The following PRDM15 variants were observed in gnomAD, a reference collection of about 807,000 sequenced individuals.
PRDM15 encodes PR/SET domain 15, also known as PR domain zinc finger protein 15.
A neutral mutation model predicts 128.6 loss-of-function variants in PRDM15; 64 were observed. The ratio of observed to expected loss-of-function variants is 0.50; its 90% CI spans 0.41 to 0.61. The LOEUF (loss-of-function observed/expected upper bound fraction) is 0.61, where lower values mean the gene tolerates loss of function less well. Ranked by LOEUF, PRDM15 falls within the 20% of genes least tolerant of loss-of-function variation. PRDM15 has a pLI of 0.00. For synonymous variants in PRDM15, 615 were observed against 621.8 expected (o/e 0.99, Z 0.16); for missense variants, 1,242 against 1,569.1 (o/e 0.79, Z 3.52).
chr21:41,805,124 C>T (rs2061522199), intron 21 of PRDM15, among the ~76,000 whole-genome samples: 1 of 152,212 alleles, frequency 6.6e-6, no homozygotes, highest in South Asian at 2.1e-4. Flanking sequence ...CCAATGGCCC[C>T]ACTGAACGGG....
intron 1 of PRDM15, among the ~76,000 whole-genome samples, chr21:41,864,849 G>C (rs1303734256): frequency 6.6e-6 from 1 of 151,888 alleles, no homozygotes; most frequent in African/African-American, 2.4e-5. Flanking sequence ...ACATGACCAG[G>C]CACTGCCTTT....
chr21:41,835,893 G>T (rs2062861369), intron 10 of PRDM15, among the ~76,000 whole-genome samples: 1 of 122,692 alleles, frequency 8.2e-6, no homozygotes, highest in Non-Finnish European at 1.7e-5. Context: ...GGGACACCTG[G>T]GCACCCACAG....
At chr21:41,864,835 C>T (rs2063942832) in intron 1 of PRDM15, among the ~76,000 whole-genome samples, 1 of 152,086 alleles carries the variant, frequency 6.6e-6, no homozygotes, top group Non-Finnish European at 1.5e-5. Context: ...ACCCAAACTC[C>T]TGCACATGAC....
chr21:41,873,825 G>A (rs1449232275), intron 1 of PRDM15, among the ~76,000 whole-genome samples: 2 of 152,100 alleles, frequency 1.3e-5, no homozygotes, highest in Non-Finnish European at 2.9e-5. Flanking sequence ...TGGGAGGATT[G>A]CTGAAGCCCA....
chr21:41,849,195 C>A (rs1018138256), intron 5 of PRDM15, among the ~76,000 whole-genome samples: 1 of 152,360 alleles, frequency 6.6e-6, no homozygotes, highest in South Asian at 2.1e-4. Context: ...ACTGCAGGGC[C>A]GCACGAGAGA....
At position 41,859,717 on chromosome 21, in the gene PRDM15, C is replaced by T. The variant is rs1213048789; in HGVS notation, c.38-32G>A. 2 of 1,585,882 alleles carry T rather than the reference C, an allele frequency of 1.3e-6. No individual in the cohort carries two copies. Among genetic ancestry groups the T allele is most frequent in the African/African-American group, 1.3e-5 (1 of 74,332 alleles). On this transcript the variant is annotated intron_variant, in intron 2 of 23. Coordinates refer to ENST00000398548, the MANE Select transcript of PRDM15 (RefSeq NM_001040424.3). This position sits in a 1 kb window ranked among gnomAD's most constrained non-coding sequence, Gnocchi z 5.3. ...GCAGACATCCGGGCATTAGAGCACCCAGGGAGGGAGACACCTAAAGAACAC... is the reference window on the plus strand; with the variant it reads ...GCAGACATCCGGGCATTAGAGCACCTAGGGAGGGAGACACCTAAAGAACAC...
intron 13 of PRDM15, among the ~76,000 whole-genome samples, chr21:41,824,886 G>A (rs28738914): frequency 0.6 from 91,514 of 152,178 alleles, 27,735 homozygotes; most frequent in Admixed American, 0.67. Context: ...CTCGGTGATG[G>A]TGCTGCATGC....
intron 1 of PRDM15, among the ~76,000 whole-genome samples, chr21:41,868,796 T>G (rs1213327049): frequency 1.4e-5 from 2 of 148,024 alleles, no homozygotes; most frequent in Non-Finnish European, 3.0e-5. Flanking sequence ...GTTCAAGCAA[T>G]TCTCCTGCCT....
In PRDM15 at chr21:41,810,409, C is replaced by CTGG; in HGVS notation, c.2477-83_2477-81dup. The CTGG allele has an allele frequency of 2.0e-6, 3 of 1,478,416 alleles. No homozygotes were observed. The highest frequency in any genetic ancestry group is 2.7e-6 in the Non-Finnish European group (3 of 1,094,710). The allele number at this position is 1,478,416 out of a possible 1,614,324, so 91.6% of individuals were successfully genotyped here. A position where few individuals can be genotyped will look rare whatever the true frequency, so the allele number is the denominator to read the frequency against. ...CACTAGTGCAGCCATCCCAATGACC[C>CTGG]TGGCCTGCTGGACGAGGCAAGAAGC... On this transcript the variant is annotated intron_variant, in intron 20 of 23. Transcript: ENST00000398548. This position sits in a 1 kb window ranked among gnomAD's most constrained non-coding sequence, Gnocchi z 6.4.
In PRDM15 at chr21:41,828,626, C is replaced by T. The variant is rs915060195; in HGVS notation, c.1367-293G>A. 2.6e-5 allele frequency among the ~76,000 whole-genome samples: 4 copies of T among 151,932 alleles called. No individual in the cohort carries two copies. The highest frequency in any genetic ancestry group is 4.8e-5 in the African/African-American group (2 of 41,350). On this transcript the variant is annotated intron_variant, in intron 11 of 23. Transcript: ENST00000398548. The surrounding 1 kb of genome is among the most constrained non-coding windows in gnomAD (Gnocchi z 5.7). Reference sequence around the variant, plus strand: ...CACCCTGCCCCACAGCACCTGGGGACGATGACTCCACTTCCGTCAGGAAAG... The same window carrying T: ...CACCCTGCCCCACAGCACCTGGGGATGATGACTCCACTTCCGTCAGGAAAG...
At chr21:41,802,616 T>G in intron 23 of PRDM15, 96 bp downstream of exon 23, 1 of 981,680 alleles carries the variant, frequency 1.0e-6, no homozygotes, top group South Asian at 1.3e-5. Flanking sequence ...ATGTACACTG[T>G]GTATAGTAAA....
Position 41,815,689 on chromosome 21 carries a change from C to G in PRDM15, c.2392+16G>C. 6.2e-7 allele frequency: 1 copy of G among 1,611,680 alleles called. No individual in the cohort carries two copies. Among genetic ancestry groups the G allele is most frequent in the Non-Finnish European group, 8.5e-7 (1 of 1,179,694 alleles). On this transcript the variant is annotated intron_variant, in intron 19 of 23. Coordinates refer to ENST00000398548, the MANE Select transcript of PRDM15 (RefSeq NM_001040424.3). ...AGTGAGCGCCGTGGCTGGCGCGGCC[C>G]GGGCCTCGGACTCACCCGTGTGCCG...
intron 1 of PRDM15, among the ~76,000 whole-genome samples, chr21:41,864,667 C>T (rs2063937336): frequency 6.6e-6 from 1 of 152,054 alleles, no homozygotes; most frequent in Non-Finnish European, 1.5e-5. Flanking sequence ...CTTTCTCCCA[C>T]CTGTAAGGCT....
chr21:41,804,497 C>T (rs1352089008), intron 22 of PRDM15, 37 bp downstream of exon 22: 2 of 1,516,692 alleles, frequency 1.3e-6, no homozygotes, highest in Admixed American at 2.0e-5. Context: ...CCACTTACCC[C>T]AAAGTTTCTG....
chr21:41,867,148 CACTG>C (rs1369761280), intron 1 of PRDM15: 12 of 361,802 alleles, frequency 3.3e-5, no homozygotes, highest in Non-Finnish European at 5.6e-5. Flanking sequence ...CCAGAAACCT[CACTG>C]ACTATCTGAG....
intron 1 of PRDM15, among the ~76,000 whole-genome samples, chr21:41,864,607 A>T (rs930194499): frequency 6.6e-6 from 1 of 151,854 alleles, no homozygotes; most frequent in Non-Finnish European, 1.5e-5. Context: ...ACACCCGCCC[A>T]TCACCCACTA....
At chr21:41,836,678 A>G in intron 8 of PRDM15, 29 bp from the exon 9 acceptor site, 1 of 1,564,978 alleles carries the variant, frequency 6.4e-7, no homozygotes, top group Non-Finnish European at 8.7e-7. Flanking sequence ...AAGTTGGGAA[A>G]AGACAGGTGG....
At chr21:41,878,798 CCTCGGCGACGACGCCG>C in intron 1 of PRDM15, 1 of 1,274,484 alleles carries the variant, frequency 7.8e-7, no homozygotes, top group East Asian at 3.0e-5. Flanking sequence ...TCCCCTGGGG[CCTCGGCGACGACGCCG>C]CCCGGCGGCG....
At chr21:41,803,617 C>T (rs969278340) in intron 22 of PRDM15, among the ~76,000 whole-genome samples, 3 of 152,198 alleles carry the variant, frequency 2.0e-5, no homozygotes, top group South Asian at 2.1e-4. Context: ...ACAGACCCAG[C>T]GTGGGCCTAC....
Sources: gnomAD v4.1 joint callset for allele counts (sites outside exome capture counted in the v4.1 genomes callset) on GRCh38, gnomAD v4.1.1 for gene constraint, Gnocchi (gnomAD v3.1) non-coding constraint, MANE v1.5 for transcripts, NCBI Gene and HGNC (gene_info 2026-07-23, HGNC 2026-07-21) for gene names.